The following TENM1 variants were observed in gnomAD, a reference collection of about 807,000 sequenced individuals.
The protein encoded by TENM1 is teneurin transmembrane protein 1, also known as teneurin-1.
Under a neutral mutation model 174.8 loss-of-function variants are expected in TENM1, and 35 were observed. The ratio of observed to expected loss-of-function variants is 0.20; its 90% CI spans 0.15 to 0.27. TENM1 has a LOEUF of 0.27. TENM1 is among the 10% of genes least tolerant of loss of function. The pLI, the probability that TENM1 is intolerant of heterozygous loss-of-function variation, is 1.00. For synonymous variants in TENM1, 781 were observed against 798.7 expected, an observed-to-expected ratio of 0.98 and a Z score of 0.37; for missense variants, 1,633 against 2,130.1, an observed-to-expected ratio of 0.77 and a Z score of 4.59.
chrX:124,586,861 T>C (rs2049534619), intron 11 of TENM1, among the ~76,000 whole-genome samples: 1 of 108,914 alleles, frequency 9.2e-6, no homozygotes, highest in African/African-American at 3.4e-5. Flanking sequence ...AAAATCCATG[T>C]ACAAAAATCA....
At chrX:125,165,849 G>A in the TENM1 span, among the ~76,000 whole-genome samples, 176 of 111,382 alleles carry the variant, frequency 1.6e-3, 2 homozygotes, top group African/African-American at 5.4e-3. Flanking sequence ...TTAAACAGCC[G>A]CGATTCTTGC....
the TENM1 span, among the ~76,000 whole-genome samples, chrX:125,178,579 A>G: frequency 9.0e-6 from 1 of 111,685 alleles, no homozygotes; most frequent in Non-Finnish European, 1.9e-5. Flanking sequence ...GTCAATCTGT[A>G]TGGTACTCTT....
chrX:124,993,605 A>G, the TENM1 span, among the ~76,000 whole-genome samples: 77 of 110,768 alleles, frequency 7.0e-4, no homozygotes, highest in Admixed American at 2.6e-3. Context: ...CCAACTGAGG[A>G]TGAGAGGAAG....
intron 3 of TENM1, among the ~76,000 whole-genome samples, chrX:124,837,380 C>T (rs1174715155): frequency 8.9e-6 from 1 of 112,308 alleles, no homozygotes; most frequent in East Asian, 2.8e-4. Flanking sequence ...TGAGCTACGA[C>T]GCCCAGCCTT....
rs1326277976 is a variant in TENM1, at chrX:124,601,707, T to C, written c.2078-36147A>G. Among the ~76,000 whole-genome samples, 3 of 110,438 alleles carry C rather than the reference T, an allele frequency of 2.7e-5. No individual in the cohort carries two copies. In the Admixed American group the frequency reaches 2.9e-4, roughly 11 times the overall value. On this transcript the variant is annotated intron_variant, in intron 11 of 31. Coordinates refer to ENST00000422452, the Ensembl canonical transcript of TENM1. ...GTATCAGTCTACCCAAACCGTATGA[T>C]TTTTTTCCAATAGGGCTTGGCTACT...
intron 3 of TENM1, among the ~76,000 whole-genome samples, chrX:124,791,477 T>C (rs2055177528): frequency 8.9e-6 from 1 of 112,133 alleles, no homozygotes; most frequent in Non-Finnish European, 1.9e-5. Flanking sequence ...TAATGAGATT[T>C]AATTGTCTCC....
At chrX:124,566,112 T>A (rs1375488579) in intron 11 of TENM1, among the ~76,000 whole-genome samples, 2 of 111,490 alleles carry the variant, frequency 1.8e-5, no homozygotes, top group East Asian at 5.6e-4. Flanking sequence ...AAAATCCCAA[T>A]AAAACAGTGC....
chrX:124,705,678 G>T (rs1041757222), intron 4 of TENM1, among the ~76,000 whole-genome samples: 1 of 111,346 alleles, frequency 9.0e-6, no homozygotes, highest in South Asian at 3.7e-4. Flanking sequence ...TTAGAGACTA[G>T]CTTCACAGCC....
At chrX:124,641,235 G>T (rs1015942519) in intron 11 of TENM1, among the ~76,000 whole-genome samples, 1 of 112,013 alleles carries the variant, frequency 8.9e-6, no homozygotes, top group Non-Finnish European at 1.9e-5. Flanking sequence ...GGAATAGTTT[G>T]TGGTAGGCTT....
intron 1 of TENM1, among the ~76,000 whole-genome samples, chrX:124,916,152 C>T (rs2057920210): frequency 9.0e-6 from 1 of 111,631 alleles, no homozygotes; most frequent in Non-Finnish European, 1.9e-5. Context: ...TGTTTTACCC[C>T]CATTTTAGAC....
intron 3 of TENM1, among the ~76,000 whole-genome samples, chrX:124,810,624 A>G (rs2055743843): frequency 2.7e-5 from 3 of 111,776 alleles, no homozygotes; most frequent in Admixed American, 1.9e-4. Flanking sequence ...ATTCTACCCA[A>G]TGCGATATAC....
At chrX:124,629,427 T>C (rs2050708848) in intron 11 of TENM1, among the ~76,000 whole-genome samples, 1 of 112,260 alleles carries the variant, frequency 8.9e-6, no homozygotes, top group East Asian at 2.8e-4. Context: ...TCCTTGAGAT[T>C]TATCATCTAC....
At chrX:124,636,829 C>T (rs2050889116) in intron 11 of TENM1, among the ~76,000 whole-genome samples, 1 of 111,943 alleles carries the variant, frequency 8.9e-6, no homozygotes, top group African/African-American at 3.2e-5. Context: ...TACCATCTGT[C>T]TCTCCCTGAC....
chrX:124,474,301 C>T (rs901940257), intron 22 of TENM1, among the ~76,000 whole-genome samples: 14 of 111,239 alleles, frequency 1.3e-4, no homozygotes, highest in African/African-American at 3.9e-4. Context: ...ACTAGTTTTC[C>T]AACTTTACAG....
intron 3 of TENM1, among the ~76,000 whole-genome samples, chrX:124,740,736 C>T (rs1488004423): frequency 9.1e-6 from 1 of 109,825 alleles, no homozygotes; most frequent in Non-Finnish European, 1.9e-5. Context: ...GCACTTGTTC[C>T]CTCCCAAATG....
chrX:124,620,142 C>T (rs1384532817), intron 11 of TENM1, among the ~76,000 whole-genome samples: 1 of 112,332 alleles, frequency 8.9e-6, no homozygotes, highest in Admixed American at 9.5e-5. Context: ...ATATTACTTA[C>T]TTCTTTTCTA....
chrX:124,982,098 C>G, the TENM1 span, among the ~76,000 whole-genome samples: 4 of 71,091 alleles, frequency 5.6e-5, no homozygotes, highest in Non-Finnish European at 9.6e-5. Flanking sequence ...AAGCTTCTCT[C>G]TCTCATTAGA....
chrX:125,038,214 T>C, the TENM1 span, among the ~76,000 whole-genome samples: 1 of 111,014 alleles, frequency 9.0e-6, no homozygotes, highest in Non-Finnish European at 1.9e-5. Flanking sequence ...GAGATGTTTC[T>C]TGCCCTTTCA....
chrX:125,150,778 A>G, the TENM1 span, among the ~76,000 whole-genome samples: 1 of 112,863 alleles, frequency 8.9e-6, no homozygotes, highest in African/African-American at 3.2e-5. Flanking sequence ...AACAAGCTGC[A>G]CAAGGCATCA....
Sources: allele counts gnomAD v4.1 joint callset (sites outside exome capture counted in the v4.1 genomes callset), GRCh38; gene constraint gnomAD v4.1.1; transcripts MANE v1.5; gene names NCBI Gene and HGNC (gene_info 2026-07-23, HGNC 2026-07-21).